ARFGEF2: variants seen among roughly 807,000 people sequenced by gnomAD.
The protein encoded by ARFGEF2 is ARF guanine nucleotide exchange factor 2.
ARFGEF2 carries 74 observed loss-of-function variants against 219.9 expected under a neutral mutation model. The ratio of observed to expected loss-of-function variants is 0.34; its 90% CI spans 0.28 to 0.41. The LOEUF (loss-of-function observed/expected upper bound fraction) is 0.41. Ranked by LOEUF, ARFGEF2 falls within the 10% of genes least tolerant of loss-of-function variation. The probability of loss-of-function intolerance (pLI) is 1.00; values close to 1 mark genes in which losing one functional copy is unlikely to be tolerated. For missense variants in ARFGEF2, 1,743 were observed against 2,218.3 expected, an observed-to-expected ratio of 0.79 and a Z score of 4.30; for synonymous variants, 733 against 799.2, an observed-to-expected ratio of 0.92 and a Z score of 1.40.
rs767210670 is a variant in ARFGEF2 at position 48,988,644 on chromosome 20, A to G, written c.2515A>G (p.Thr839Ala). The part of the protein sequence containing the change: ...MKETKELTIA[T>A]KSTKQNVASE... ...AGAAACAAAAGAGCTAACGATTGCA[A>G]CCAAATCTACTAAGCAGAGTAAGGT... The change falls in exon 18 of 39, where the codon ACC becomes GCC. Residue 839 changes from threonine (T) to alanine (A), a missense_variant. Coordinates refer to ENST00000371917, the MANE Select transcript of ARFGEF2 (RefSeq NM_006420.3). 2.5e-6 allele frequency: 4 copies of G among 1,613,426 alleles called. No homozygotes were observed. The highest frequency in any genetic ancestry group is 1.7e-5 in the Admixed American group (1 of 59,984).
chr20:48,936,373 C>T (rs1600589530), intron 1 of ARFGEF2, among the ~76,000 whole-genome samples: 2 of 151,012 alleles, frequency 1.3e-5, no homozygotes, highest in East Asian at 3.9e-4. Context: ...CCCTCCCGGA[C>T]GAGGTGGCTG....
intron 1 of ARFGEF2, among the ~76,000 whole-genome samples, chr20:48,931,940 T>C (rs1302450580): frequency 6.6e-6 from 1 of 152,180 alleles, no homozygotes; most frequent in Non-Finnish European, 1.5e-5. Context: ...CTCTGGCTGC[T>C]GTTGAGAAAA....
intron 6 of ARFGEF2, among the ~76,000 whole-genome samples, chr20:48,955,063 A>G (rs1178191089): frequency 6.6e-6 from 1 of 152,208 alleles, no homozygotes; most frequent in African/African-American, 2.4e-5. Context: ...CAGCAGCCAA[A>G]GTGATCTCTT....
intron 3 of ARFGEF2, among the ~76,000 whole-genome samples, chr20:48,950,807 A>ATATATAT (rs2091063070): frequency 2.5e-4 from 11 of 44,778 alleles, no homozygotes; most frequent in Non-Finnish European, 4.1e-4. Flanking sequence ...AAAAAAAAAA[A>ATATATAT]AAAAATATAT....
intron 11 of ARFGEF2, among the ~76,000 whole-genome samples, 170 bp downstream of exon 11, chr20:48,972,595 A>C (rs1271376241): frequency 6.6e-6 from 1 of 152,162 alleles, no homozygotes; most frequent in Non-Finnish European, 1.5e-5. Flanking sequence ...TGACCAACTT[A>C]GGCTGGTTTG....
At chr20:49,010,876 G>A (rs1391186701) in intron 27 of ARFGEF2, among the ~76,000 whole-genome samples, 2 of 152,348 alleles carry the variant, frequency 1.3e-5, no homozygotes, top group African/African-American at 4.8e-5. Context: ...AGTCACCCAA[G>A]GCGCACGTTC....
chr20:48,963,313 A>T (rs575098488), intron 6 of ARFGEF2, among the ~76,000 whole-genome samples: 6 of 152,274 alleles, frequency 3.9e-5, no homozygotes, highest in African/African-American at 1.2e-4. Flanking sequence ...AACAGTTAAC[A>T]TTTTACAGAA....
At chr20:48,997,924 C>T (rs2091402018) in intron 23 of ARFGEF2, among the ~76,000 whole-genome samples, 1 of 152,196 alleles carries the variant, frequency 6.6e-6, no homozygotes, top group Non-Finnish European at 1.5e-5. Flanking sequence ...GTGGCGCAAT[C>T]TCGGCTTACT....
In ARFGEF2 at chr20:48,938,975, T is replaced by G. The variant is rs545903984; in HGVS notation, c.122-2224T>G. Among the ~76,000 whole-genome samples, 285 of 148,646 alleles carry G rather than the reference T, an allele frequency of 1.9e-3. 1 individual carries two copies. Among genetic ancestry groups the G allele is most frequent in the African/African-American group, 6.7e-3 (272 of 40,586 alleles). ...TTTGGTTTGTTTTATGGGTTTTTTT[T>G]GTTTGTTTTTTTTTTTTTTGAGAAA... On this transcript the variant is annotated intron_variant, in intron 1 of 38. Coordinates refer to ENST00000371917, the MANE Select transcript of ARFGEF2 (RefSeq NM_006420.3).
intron 37 of ARFGEF2, 54 bp from the exon 38 acceptor site, chr20:49,031,995 A>G (rs2091638678): frequency 2.6e-6 from 3 of 1,142,538 alleles, no homozygotes; most frequent in Admixed American, 1.7e-5. Context: ...TCTCCCCTGA[A>G]TGTGAGATGT....
chr20:49,029,845 C>A lies in ARFGEF2; in HGVS notation c.5063+1177C>A, dbSNP rs1045991479. 2.6e-5 allele frequency among the ~76,000 whole-genome samples: 4 copies of A among 151,282 alleles called. No individual in the cohort carries two copies. The East Asian group carries it at 7.8e-4, about 29-fold the overall frequency. On this transcript the variant is annotated intron_variant, in intron 37 of 38. Transcript: ENST00000371917. The stretch of plus-strand genomic sequence containing the variant: ...TGACCTCAGGTGATCTGCCGACCTC[C>A]GCCTCCCAAAGTGCTGGGATTACAG...
intron 3 of ARFGEF2, among the ~76,000 whole-genome samples, chr20:48,944,792 T>G (rs1320517209): frequency 2.0e-5 from 3 of 152,142 alleles, no homozygotes; most frequent in African/African-American, 7.2e-5. Flanking sequence ...TGACTCTGTG[T>G]CTGTGTTCTT....
At chr20:48,935,508 C>G (rs1277488636) in intron 1 of ARFGEF2, among the ~76,000 whole-genome samples, 2 of 152,138 alleles carry the variant, frequency 1.3e-5, no homozygotes, top group African/African-American at 2.4e-5. Flanking sequence ...TACACAGACA[C>G]GGCAACCATC....
chr20:48,952,589 G>A, intron 4 of ARFGEF2, 116 bp from the exon 5 acceptor site: 1 of 1,031,532 alleles, frequency 9.7e-7, no homozygotes, highest in Non-Finnish European at 1.5e-6. Context: ...CAATTTATTT[G>A]AAAAAAGCAC....
chr20:48,989,051 T>C (rs1472540243), intron 18 of ARFGEF2, among the ~76,000 whole-genome samples: 1 of 152,174 alleles, frequency 6.6e-6, no homozygotes, highest in African/African-American at 2.4e-5. Context: ...CCACACTGCC[T>C]TAGATCAAGT....
chr20:49,032,987 ATT>A, intron 38 of ARFGEF2, 34 bp from the exon 39 acceptor site: 1 of 1,607,118 alleles, frequency 6.2e-7, no homozygotes, highest in Non-Finnish European at 8.5e-7. Context: ...AAAAAAAAAA[ATT>A]GTCTAATTTT....
intron 6 of ARFGEF2, among the ~76,000 whole-genome samples, chr20:48,962,041 G>A (rs369504076): frequency 1.3e-5 from 2 of 151,574 alleles, no homozygotes; most frequent in East Asian, 1.9e-4. Flanking sequence ...TTAGCTGGGC[G>A]TGGTGGCTCA....
intron 28 of ARFGEF2, among the ~76,000 whole-genome samples, chr20:49,012,938 A>G (rs1159998927): frequency 6.6e-6 from 1 of 152,202 alleles, no homozygotes; most frequent in Non-Finnish European, 1.5e-5. Flanking sequence ...TACAGAGCAG[A>G]GGGGTCAAAA....
intron 9 of ARFGEF2, among the ~76,000 whole-genome samples, 181 bp downstream of exon 9, chr20:48,969,458 T>G (rs888721673): frequency 6.6e-6 from 1 of 152,266 alleles, no homozygotes; most frequent in Admixed American, 6.5e-5. Flanking sequence ...TCATATGGAA[T>G]TGTCTCTGTA....
Sources: gnomAD v4.1 joint callset for allele counts (sites outside exome capture counted in the v4.1 genomes callset) on GRCh38, gnomAD v4.1.1 for gene constraint, MANE v1.5 for transcripts, NCBI Gene and HGNC (gene_info 2026-07-23, HGNC 2026-07-21) for gene names.